SYNRG: variants seen among roughly 807,000 people sequenced by gnomAD.
SYNRG encodes the protein synergin gamma.
In SYNRG, 37 loss-of-function variants were observed where a neutral mutation model predicts 130.9. The observed-to-expected ratio is 0.28, with a 90% CI of 0.22 to 0.37. The LOEUF (loss-of-function observed/expected upper bound fraction) is 0.37, where lower values mean the gene tolerates loss of function less well. Among genes scored for constraint, SYNRG ranks in the 10% least tolerant of loss-of-function variants. The probability of loss-of-function intolerance (pLI) is 1.00; values close to 1 mark genes in which losing one functional copy is unlikely to be tolerated. For synonymous variants in SYNRG, 539 were observed against 568.1 expected (o/e 0.95, Z 0.73); for missense variants, 1,338 against 1,588.9 (o/e 0.84, Z 2.68).
At chr17:37,530,463 A>G (rs930601173) in intron 19 of SYNRG, among the ~76,000 whole-genome samples, 2 of 152,348 alleles carry the variant, frequency 1.3e-5, no homozygotes, top group Non-Finnish European at 2.9e-5. Flanking sequence ...CCCTCGGCAC[A>G]TATCACTAGC....
rs2054442226 is a variant in SYNRG at position 37,516,609 on chromosome 17, C to T, written c.*2331G>A. The T allele has an allele frequency of 6.6e-6, 1 of 150,510 alleles. No homozygotes were observed. Among genetic ancestry groups the T allele is most frequent in the Non-Finnish European group, 1.5e-5 (1 of 67,690 alleles). 9.3% of individuals were successfully genotyped at this position (150,510 alleles called of 1,614,324 possible). On this transcript the variant is annotated 3_prime_UTR_variant, in exon 22 of 22. Transcript: ENST00000612223. ...TGGGCCACTGTGACATGACAGGCATCTATATAGCATTTCAAAAAAATGCTT... is the reference window on the plus strand; with the variant it reads ...TGGGCCACTGTGACATGACAGGCATTTATATAGCATTTCAAAAAAATGCTT...
chr17:37,581,626 G>A (rs893872802), intron 6 of SYNRG, among the ~76,000 whole-genome samples: 1 of 144,316 alleles, frequency 6.9e-6, no homozygotes, highest in African/African-American at 2.6e-5. Context: ...TAGCTCTGTC[G>A]CCCAGGCTGG....
intron 3 of SYNRG, among the ~76,000 whole-genome samples, chr17:37,594,361 CAATT>C (rs945012907): frequency 2.8e-5 from 4 of 140,496 alleles, no homozygotes; most frequent in African/African-American, 7.8e-5. Flanking sequence ...AAATTTGTAT[CAATT>C]GTTATTAAGA....
intron 15 of SYNRG, chr17:37,540,841 G>T: frequency 1.1e-6 from 1 of 899,380 alleles, no homozygotes; most frequent in Non-Finnish European, 1.4e-6. Flanking sequence ...CATTGTGTTG[G>T]CCAGGCTGGT....
intron 19 of SYNRG, among the ~76,000 whole-genome samples, chr17:37,533,588 C>CTTT (rs533546189): frequency 2.2e-5 from 3 of 135,376 alleles, no homozygotes; most frequent in Non-Finnish European, 3.2e-5. Context: ...TTTTCTTTTT[C>CTTT]TTTTTTTTTT....
intron 14 of SYNRG, among the ~76,000 whole-genome samples, chr17:37,547,734 AT>A (rs1393831357): frequency 4.6e-5 from 7 of 152,208 alleles, no homozygotes; most frequent in Non-Finnish European, 1.0e-4. Context: ...AAGTGCTGGG[AT>A]TACAGGCGTG....
chr17:37,529,810 A>C, intron 19 of SYNRG: 1 of 1,551,604 alleles, frequency 6.4e-7, no homozygotes, highest in Non-Finnish European at 8.7e-7. Context: ...CATGGTAAGG[A>C]GAGAGATGCT....
intron 6 of SYNRG, among the ~76,000 whole-genome samples, 187 bp from the exon 7 acceptor site, chr17:37,577,800 G>C (rs1207567636): frequency 6.8e-6 from 1 of 146,534 alleles, no homozygotes; most frequent in African/African-American, 2.6e-5. Flanking sequence ...CCAGGTTCAA[G>C]CAATTCTCCT....
chr17:37,522,219 G>T (rs527941941), intron 19 of SYNRG, among the ~76,000 whole-genome samples: 1 of 151,652 alleles, frequency 6.6e-6, no homozygotes, highest in Admixed American at 6.6e-5. Flanking sequence ...GCTCAGGCTG[G>T]AGTACAGTGG....
chr17:37,532,944 T>G (rs781470980), intron 19 of SYNRG, among the ~76,000 whole-genome samples: 1 of 152,202 alleles, frequency 6.6e-6, no homozygotes, highest in Non-Finnish European at 1.5e-5. Flanking sequence ...CACTCATACT[T>G]TGGAGTTATG....
chr17:37,544,300 A>C (rs2058059773), intron 14 of SYNRG, among the ~76,000 whole-genome samples: 1 of 151,952 alleles, frequency 6.6e-6, no homozygotes, highest in Non-Finnish European at 1.5e-5. Context: ...GACTCAGGTG[A>C]AAAGTTTTTT....
intron 19 of SYNRG, among the ~76,000 whole-genome samples, chr17:37,522,955 A>T (rs1199089278): frequency 6.6e-6 from 1 of 152,056 alleles, no homozygotes; most frequent in African/African-American, 2.4e-5. Context: ...TTTTAAGTTT[A>T]ATCTGCACTA....
chr17:37,531,127 G>C (rs1679140735), intron 19 of SYNRG, among the ~76,000 whole-genome samples: 1 of 152,136 alleles, frequency 6.6e-6, no homozygotes, highest in South Asian at 2.1e-4. Context: ...CCCAGCTGTG[G>C]GAGGTTGAGA....
rs144310695 is a variant in SYNRG at position 37,525,695 on chromosome 17, C to T, written c.3667-5047G>A. ...TAAAAATACAAAAAAATGCCGGGAG[C>T]GGTGGCTCACACCTGTAATCTCAGC... On this transcript the variant is annotated intron_variant, in intron 19 of 21. Coordinates refer to ENST00000612223, the MANE Select transcript of SYNRG (RefSeq NM_007247.6). 1.0e-3 allele frequency among the ~76,000 whole-genome samples: 153 copies of T among 151,874 alleles called. No homozygotes were observed. In the Middle Eastern group the frequency reaches 0.01, roughly 10 times the overall value.
At chr17:37,598,286 T>G (rs1418606119) in intron 2 of SYNRG, among the ~76,000 whole-genome samples, 6 of 152,182 alleles carry the variant, frequency 3.9e-5, no homozygotes, top group African/African-American at 1.4e-4. Context: ...ACCAACAGGG[T>G]AGTATTTCAA....
intron 7 of SYNRG, among the ~76,000 whole-genome samples, chr17:37,576,721 C>A (rs550038274): frequency 6.6e-6 from 1 of 152,230 alleles, no homozygotes; most frequent in South Asian, 2.1e-4. Context: ...AGGAAAAAAA[C>A]ATGATAGATG....
intron 14 of SYNRG, 101 bp downstream of exon 14, chr17:37,553,014 A>T: frequency 9.2e-7 from 1 of 1,082,048 alleles, no homozygotes; most frequent in Non-Finnish European, 1.3e-6. Flanking sequence ...AGAGATTCAT[A>T]AAGCTAAAGG....
At chr17:37,607,974 A>AAAC (rs1555802970) in intron 1 of SYNRG, among the ~76,000 whole-genome samples, 1 of 150,544 alleles carries the variant, frequency 6.6e-6, no homozygotes, top group African/African-American at 2.4e-5. Flanking sequence ...AAAAAAAAAA[A>AAAC]AAAAAACAAG....
In SYNRG at chr17:37,570,723, C is replaced by A; in HGVS notation, c.1261G>T (p.Val421Phe). Reference sequence around the variant, plus strand: ...GGTCCAACAAGGTTAATGCCCATGACTGGCTGTCCAAGGCTGAGGGGCATG... The same window carrying A: ...GGTCCAACAAGGTTAATGCCCATGAATGGCTGTCCAAGGCTGAGGGGCATG... The part of the protein sequence containing the change: ...GSMPLSLGQP[V>F]MGINLVGPVG... Residue 421 changes from valine (V) to phenylalanine (F), a missense_variant, in exon 10 of 22, where the codon GTC (valine) becomes TTC (phenylalanine). Coordinates refer to ENST00000612223, the MANE Select transcript of SYNRG (RefSeq NM_007247.6). 1 of 1,614,246 alleles carries A rather than the reference C, an allele frequency of 6.2e-7. No individual in the cohort carries two copies. The highest frequency in any genetic ancestry group is 8.5e-7 in the Non-Finnish European group (1 of 1,180,038).
Sources: gnomAD v4.1 joint callset for allele counts (sites outside exome capture counted in the v4.1 genomes callset) on GRCh38, gnomAD v4.1.1 for gene constraint, MANE v1.5 for transcripts, NCBI Gene and HGNC (gene_info 2026-07-23, HGNC 2026-07-21) for gene names.